AGPAT3: variants seen among roughly 807,000 people sequenced by gnomAD.
AGPAT3 encodes the protein 1-acyl-sn-glycerol-3-phosphate acyltransferase gamma.
Under a neutral mutation model 47.3 loss-of-function variants are expected in AGPAT3, and 5 were observed. The ratio of observed to expected loss-of-function variants is 0.11; its 90% confidence interval spans 0.06 to 0.22. The LOEUF (loss-of-function observed/expected upper bound fraction) is 0.22, where lower values mean the gene tolerates loss of function less well. Ranked by LOEUF, AGPAT3 falls within the 10% of genes least tolerant of loss-of-function variation. The pLI is 1.00. For synonymous variants in AGPAT3, 212 were observed against 208.3 expected (o/e 1.02, Z -0.15); for missense variants, 315 against 493.0 (o/e 0.64, Z 3.42).
chr21:43,924,550 C>G (rs2086993728), intron 2 of AGPAT3, among the ~76,000 whole-genome samples: 1 of 152,226 alleles, frequency 6.6e-6, no homozygotes, highest in Non-Finnish European at 1.5e-5. Flanking sequence ...GCAGATCCAT[C>G]TTCCTCCTGT....
chr21:43,947,636 G>A (rs2087960611), intron 2 of AGPAT3, among the ~76,000 whole-genome samples: 1 of 152,106 alleles, frequency 6.6e-6, no homozygotes. Flanking sequence ...ACTGTAAACG[G>A]AGGTGGCATG....
At chr21:43,909,060 T>A (rs377431569) in intron 2 of AGPAT3, among the ~76,000 whole-genome samples, 4 of 152,296 alleles carry the variant, frequency 2.6e-5, no homozygotes, top group African/African-American at 9.6e-5. Flanking sequence ...TGATTTTAAT[T>A]TTTACTTACT....
At chr21:43,870,079 G>A (rs1165828964) in intron 1 of AGPAT3, among the ~76,000 whole-genome samples, 1 of 152,154 alleles carries the variant, frequency 6.6e-6, no homozygotes, top group East Asian at 1.9e-4. Flanking sequence ...CTCATTATGC[G>A]GCACGGGCGG....
chr21:43,867,163 C>G (rs1466154569), intron 1 of AGPAT3: 1 of 152,312 alleles, frequency 6.6e-6, no homozygotes, highest in African/African-American at 2.4e-5. Context: ...CACCTGCCTC[C>G]CATCCCCTCC....
intron 1 of AGPAT3, among the ~76,000 whole-genome samples, chr21:43,873,342 C>T (rs1056136686): frequency 6.6e-6 from 1 of 152,194 alleles, no homozygotes; most frequent in Non-Finnish European, 1.5e-5. Context: ...AGGAGTGAGC[C>T]GCAGAAGTGT....
chr21:43,892,871 C>T (rs935516333), intron 1 of AGPAT3, among the ~76,000 whole-genome samples: 1 of 152,138 alleles, frequency 6.6e-6, no homozygotes, highest in Admixed American at 6.6e-5. Context: ...GAGTGTATTC[C>T]TTGAGTTCAG....
chr21:43,941,866 A>C (rs1411305166), intron 2 of AGPAT3, among the ~76,000 whole-genome samples: 2 of 152,260 alleles, frequency 1.3e-5, no homozygotes, highest in Non-Finnish European at 2.9e-5. Context: ...AAATGATGAA[A>C]GACCTATTAG....
chr21:43,929,906 G>T (rs977123159), intron 2 of AGPAT3, among the ~76,000 whole-genome samples: 1 of 152,228 alleles, frequency 6.6e-6, no homozygotes, highest in Non-Finnish European at 1.5e-5. Context: ...CGCTCCCAGC[G>T]AGCTCACAGT....
intron 1 of AGPAT3, chr21:43,867,296 A>T (rs2085529691): frequency 6.6e-6 from 1 of 152,156 alleles, no homozygotes; most frequent in Non-Finnish European, 1.5e-5. Context: ...ACCTCCACAG[A>T]CCCGTCCGGG....
At chr21:43,977,193 T>C (rs1045271766) in intron 7 of AGPAT3, among the ~76,000 whole-genome samples, 1 of 152,202 alleles carries the variant, frequency 6.6e-6, no homozygotes, top group East Asian at 1.9e-4. Context: ...AGATTTAGTA[T>C]GTAAATAAAT....
intron 1 of AGPAT3, among the ~76,000 whole-genome samples, chr21:43,876,998 A>G (rs2085747937): frequency 6.6e-6 from 1 of 152,100 alleles, no homozygotes; most frequent in Non-Finnish European, 1.5e-5. Flanking sequence ...AGCTGGGACT[A>G]CAGGTGCATG....
At chr21:43,942,718 C>T (rs117235937) in intron 2 of AGPAT3, among the ~76,000 whole-genome samples, 5,928 of 152,222 alleles carry the variant, frequency 0.039, 189 homozygotes, top group Non-Finnish European at 0.061. Flanking sequence ...CACGCCTGCC[C>T]GCGGTCACCC....
intron 2 of AGPAT3, among the ~76,000 whole-genome samples, chr21:43,921,061 C>T (rs1251239697): frequency 2.0e-5 from 3 of 152,114 alleles, no homozygotes; most frequent in Non-Finnish European, 4.4e-5. Context: ...TGCAGTGAGC[C>T]GAGATCGGGC....
chr21:43,977,928 T>C (rs969358900), intron 7 of AGPAT3, 118 bp from the exon 8 acceptor site: 1 of 652,918 alleles, frequency 1.5e-6, no homozygotes, highest in Non-Finnish European at 2.6e-6. Flanking sequence ...GAGTGAGATG[T>C]GACAGAAGGA....
At chr21:43,941,458 G>T (rs1257713114) in intron 2 of AGPAT3, among the ~76,000 whole-genome samples, 1 of 152,206 alleles carries the variant, frequency 6.6e-6, no homozygotes, top group East Asian at 1.9e-4. Context: ...GAGGCAGGAG[G>T]ATCCCTTGAG....
rs2089211157 is a variant in AGPAT3 at position 43,967,953 on chromosome 21, C to T, written c.186C>T (p.Val62=). Residue 62 remains valine, a synonymous_variant, in exon 4 of 10, where the codon GTC becomes GTT. Coordinates refer to ENST00000291572, the MANE Select transcript of AGPAT3 (RefSeq NM_020132.5). Reference sequence around the variant, plus strand: ...CCCTCCCCCTGTCCGCAGAACTGGTCATGCTGCTGGAGTGGTGGTCCTGCA... The same window carrying T: ...CCCTCCCCCTGTCCGCAGAACTGGTTATGCTGCTGGAGTGGTGGTCCTGCA... ...RLAYSLWSQL[V]MLLEWWSCTE... 6.2e-7 allele frequency: 1 copy of T among 1,613,846 alleles called. No homozygotes were observed. The highest frequency in any genetic ancestry group is 8.5e-7 in the Non-Finnish European group (1 of 1,179,956).
intron 1 of AGPAT3, among the ~76,000 whole-genome samples, chr21:43,884,432 A>G (rs948183036): frequency 3.3e-5 from 5 of 152,144 alleles, no homozygotes; most frequent in African/African-American, 1.2e-4. Context: ...TGTGCGGAGC[A>G]TGGCCCTTTC....
At chr21:43,912,015 CAG>C (rs765847430) in intron 2 of AGPAT3, among the ~76,000 whole-genome samples, 62 of 152,372 alleles carry the variant, frequency 4.1e-4, no homozygotes, top group Non-Finnish European at 1.8e-4. Flanking sequence ...GGCATTAGGT[CAG>C]GGGTCCTGGT....
intron 8 of AGPAT3, among the ~76,000 whole-genome samples, chr21:43,979,462 T>C (rs979779741): frequency 1.1e-4 from 16 of 152,142 alleles, no homozygotes; most frequent in Admixed American, 2.6e-4. Flanking sequence ...TGAAGTCTCG[T>C]GCTGTGATGC....
Sources: gnomAD v4.1 joint callset for allele counts (sites outside exome capture counted in the v4.1 genomes callset) on GRCh38, gnomAD v4.1.1 for gene constraint, MANE v1.5 for transcripts, NCBI Gene and HGNC (gene_info 2026-07-23, HGNC 2026-07-21) for gene names.